Variants in C1GALT1 observed in about 807,000 individuals in gnomAD.
C1GALT1 encodes glycoprotein-N-acetylgalactosamine 3-beta-galactosyltransferase 1.
A neutral mutation model predicts 31.0 loss-of-function variants in C1GALT1; 11 were observed. The ratio of observed to expected loss-of-function variants is 0.36; its 90% confidence interval spans 0.22 to 0.59. The LOEUF is 0.59. Among genes scored for constraint, C1GALT1 ranks in the 20% least tolerant of loss-of-function variants. The probability of loss-of-function intolerance (pLI) is 0.79; values close to 1 mark genes in which losing one functional copy is unlikely to be tolerated. For synonymous variants in C1GALT1, 175 were observed against 143.6 expected, an observed-to-expected ratio of 1.22 and a Z score of -1.56; for missense variants, 424 against 425.2, an observed-to-expected ratio of 1.00 and a Z score of 0.03.
chr7:7,222,148 A>G (rs71533363), intron 1 of C1GALT1, among the ~76,000 whole-genome samples: 9,441 of 152,282 alleles, frequency 0.062, 368 homozygotes, highest in East Asian at 0.16. Context: ...CTGCCAAAAG[A>G]CCCAACTTAA....
intron 1 of C1GALT1, among the ~76,000 whole-genome samples, chr7:7,214,080 A>G (rs575231429): frequency 6.0e-4 from 92 of 152,304 alleles, no homozygotes; most frequent in African/African-American, 2.1e-3. Flanking sequence ...AGCCATCCCT[A>G]CAGTGTATTT....
At position 7,238,876 on chromosome 7, in the gene C1GALT1, C is replaced by T. The variant is rs755140158; in HGVS notation, c.842C>T (p.Pro281Leu). The T allele has an allele frequency of 8.1e-6, 13 of 1,613,464 alleles. No homozygotes were observed. In the African/African-American group the frequency reaches 1.2e-4, roughly 15 times the overall value. ...CACCATTTAATTAAAGGTTATCTACCTAGAACGTTTTGGTACTGGAATTAC... is the reference window on the plus strand; with the variant it reads ...CACCATTTAATTAAAGGTTATCTACTTAGAACGTTTTGGTACTGGAATTAC... The part of the protein sequence containing the change: ...PEHHLIKGYL[P>L]RTFWYWNYNY... The change falls in exon 3 of 4, where the codon CCT (proline) becomes CTT (leucine). Residue 281 changes from proline to leucine, a missense_variant. Pro to Leu is a moderately conservative substitution (Grantham distance 98). Coordinates refer to ENST00000436587, the MANE Select transcript of C1GALT1 (RefSeq NM_020156.5). The surrounding 1 kb of genome is among the most constrained non-coding windows in gnomAD (Gnocchi z 5.2).
intron 2 of C1GALT1, among the ~76,000 whole-genome samples, chr7:7,161,317 A>G (rs1036463040): frequency 2.0e-5 from 3 of 152,156 alleles, no homozygotes; most frequent in Non-Finnish European, 4.4e-5. Flanking sequence ...CACTTAGTCT[A>G]ACTTCTTTAC....
rs1342234306 is a variant in C1GALT1, at chr7:7,240,087, T to TA, written c.888+1167dup. The stretch of plus-strand genomic sequence containing the variant: ...CTTCATGCTACTACTGTCATCTTCA[T>TA]AAGGCAATGCTTTCAAATCATCATC... On this transcript the variant is annotated intron_variant, in intron 3 of 3. Coordinates refer to ENST00000436587, the MANE Select transcript of C1GALT1 (RefSeq NM_020156.5). Among the ~76,000 whole-genome samples the TA allele has an allele frequency of 3.3e-5, 5 of 152,332 alleles. No individual in the cohort carries two copies. The East Asian group carries it at 9.6e-4, about 29-fold the overall frequency.
At chr7:7,164,861 C>G (rs1780375238) in intron 2 of C1GALT1, among the ~76,000 whole-genome samples, 1 of 152,138 alleles carries the variant, frequency 6.6e-6, no homozygotes, top group Admixed American at 6.6e-5. Context: ...ATAAATCTTT[C>G]TGTCCTGAAG....
intron 2 of C1GALT1, among the ~76,000 whole-genome samples, chr7:7,168,129 G>T (rs917336053): frequency 3.3e-5 from 5 of 152,212 alleles, no homozygotes; most frequent in African/African-American, 1.2e-4. Flanking sequence ...AAGGAAAGAA[G>T]TGTGCAGCAG....
chr7:7,190,661 T>C (rs1169858393), intron 1 of C1GALT1, among the ~76,000 whole-genome samples: 1 of 151,872 alleles, frequency 6.6e-6, no homozygotes, highest in East Asian at 1.9e-4. Context: ...CTTTCAAGAG[T>C]TTTCCAGTGA....
intron 3 of C1GALT1, among the ~76,000 whole-genome samples, chr7:7,241,214 A>G (rs1328201046): frequency 6.6e-6 from 1 of 152,026 alleles, no homozygotes; most frequent in East Asian, 1.9e-4. Context: ...ATATTAGTAC[A>G]TAAGTGAGGT....
rs1204650303 is a variant in C1GALT1, at chr7:7,243,927, TATATAA to T, written c.*205_*210del. 1 of 395,178 alleles carries T rather than the reference TATATAA, an allele frequency of 2.5e-6. No homozygotes were observed. The highest frequency in any genetic ancestry group is 2.1e-5 in the African/African-American group (1 of 48,250). The allele number at this position is 395,178 out of a possible 1,614,324, so 24.5% of individuals were successfully genotyped here. A position where few individuals can be genotyped will look rare whatever the true frequency, so the allele number is the denominator to read the frequency against. On this transcript the variant is annotated 3_prime_UTR_variant, in exon 4 of 4. Transcript: ENST00000436587. ...GTTAAAATGTGTTTTGATACAGTAA[TATATAA>T]ATATGTCTATATATATGAGGAACTT...
At chr7:7,178,569 A>G (rs1258679769), upstream of C1GALT1, among the ~76,000 whole-genome samples, 1 of 152,196 alleles carries the variant, frequency 6.6e-6, no homozygotes, top group African/African-American at 2.4e-5. Context: ...TCTATTCACC[A>G]TGTTACTTCC....
intron 2 of C1GALT1, 64 bp downstream of exon 2, chr7:7,234,603 C>T (rs753720249): frequency 2.3e-5 from 27 of 1,157,686 alleles, no homozygotes; most frequent in Admixed American, 4.3e-5. Flanking sequence ...TGTCATATTC[C>T]TGTCTGTATC....
At chr7:7,203,833 C>T (rs76843053) in intron 1 of C1GALT1, among the ~76,000 whole-genome samples, 5,157 of 151,626 alleles carry the variant, frequency 0.034, 176 homozygotes, top group African/African-American at 0.095. Context: ...TCAGTATCCT[C>T]CTCCTAGCTG....
upstream of C1GALT1, among the ~76,000 whole-genome samples, chr7:7,180,426 T>C (rs1780557231): frequency 6.6e-6 from 1 of 152,236 alleles, no homozygotes; most frequent in Non-Finnish European, 1.5e-5. Flanking sequence ...AACATAAATG[T>C]CAATCAATAG....
chr7:7,243,441 T>C, intron 3 of C1GALT1, 83 bp from the exon 4 acceptor site: 2 of 1,121,918 alleles, frequency 1.8e-6, no homozygotes, highest in Non-Finnish European at 2.5e-6. Flanking sequence ...CTTTTAAAAT[T>C]AGCTGGTCCT....
At chr7:7,178,274 A>G, upstream of C1GALT1, 3 of 232,526 alleles carry the variant, frequency 1.3e-5, no homozygotes, top group South Asian at 7.8e-5. Context: ...AATGTTGCAG[A>G]GAGAGTCATC....
intron 1 of C1GALT1, among the ~76,000 whole-genome samples, chr7:7,215,055 A>G (rs1488690000): frequency 1.3e-5 from 2 of 152,170 alleles, no homozygotes; most frequent in Non-Finnish European, 2.9e-5. Flanking sequence ...CTGACTTAGC[A>G]CAAGAAGACA....
At position 7,206,184 on chromosome 7, in the gene C1GALT1, A is replaced by G. The variant is rs908501937; in HGVS notation, c.-18+23364A>G. Among the ~76,000 whole-genome samples, 4 of 150,156 alleles carry G rather than the reference A, an allele frequency of 2.7e-5. No homozygotes were observed. The Admixed American group carries it at 2.7e-4, about 10-fold the overall frequency. On this transcript the variant is annotated intron_variant, in intron 1 of 3. Transcript: ENST00000436587. ...TATACATTGTGTGTCAAAAAATATA[A>G]ACTAATTTTTTAATGTGTTAGTCTC...
chr7:7,199,030 A>G (rs949205312), intron 1 of C1GALT1, among the ~76,000 whole-genome samples: 41 of 151,990 alleles, frequency 2.7e-4, no homozygotes, highest in East Asian at 5.8e-4. Flanking sequence ...TTGTGTCTCT[A>G]TCTCCTTCAG....
chr7:7,225,958 T>C (rs375344677), intron 1 of C1GALT1, among the ~76,000 whole-genome samples: 1 of 152,176 alleles, frequency 6.6e-6, no homozygotes, highest in South Asian at 2.1e-4. Context: ...TAGTGAACTT[T>C]AAATGAAATG....
Sources: gnomAD v4.1 joint callset for allele counts (sites outside exome capture counted in the v4.1 genomes callset) on GRCh38, gnomAD v4.1.1 for gene constraint, Gnocchi (gnomAD v3.1) non-coding constraint, MANE v1.5 for transcripts, NCBI Gene and HGNC (gene_info 2026-07-23, HGNC 2026-07-21) for gene names.